The following LGALS8 variants were observed in gnomAD, a reference collection of about 807,000 sequenced individuals.
LGALS8 encodes galectin 8, also known as galectin-8.
LGALS8 carries 30 observed loss-of-function variants against 35.9 expected under a neutral mutation model. The observed-to-expected ratio is 0.83, with a 90% CI of 0.62 to 1.13. The LOEUF is 1.13. Ranked by LOEUF, LGALS8 falls within the 50% of genes most tolerant of loss-of-function variation. The pLI is 0.00. For missense variants in LGALS8, 366 were observed against 388.7 expected (o/e 0.94, Z 0.49); for synonymous variants, 138 against 136.1 (o/e 1.01, Z -0.10).
At chr1:236,543,917 A>G (rs1662193137) in intron 8 of LGALS8, among the ~76,000 whole-genome samples, 1 of 151,100 alleles carries the variant, frequency 6.6e-6, no homozygotes, top group Non-Finnish European at 1.5e-5. Flanking sequence ...GTAGAACTCC[A>G]GAGCAGCCCC....
At position 236,526,315 on chromosome 1, in the gene LGALS8, T is replaced by G; in HGVS notation, c.45+200T>G. On this transcript the variant is annotated intron_variant, in intron 2 of 9. Coordinates refer to ENST00000366584, the MANE Select transcript of LGALS8 (RefSeq NM_201544.4). This position sits in a 1 kb window ranked among gnomAD's most constrained non-coding sequence, Gnocchi z 4.6. ...GGAGGAAGAAGTCACAATGATAATA[T>G]GACGTGATGAAACAGTGTTATGAAC... 2.3e-6 allele frequency: 1 copy of G among 440,574 alleles called. No individual in the cohort carries two copies. The highest frequency in any genetic ancestry group is 4.1e-6 in the Non-Finnish European group (1 of 246,242). The allele number at this position is 440,574 out of a possible 1,614,324, so 27.3% of individuals were successfully genotyped here. A position where few individuals can be genotyped will look rare whatever the true frequency, so the allele number is the denominator to read the frequency against.
At chr1:236,530,094 G>A (rs1185058818) in intron 2 of LGALS8, among the ~76,000 whole-genome samples, 2 of 152,188 alleles carry the variant, frequency 1.3e-5, no homozygotes, top group Non-Finnish European at 2.9e-5. Context: ...TGTTTATAGA[G>A]TTCTTAAGAT....
At position 236,550,959 on chromosome 1, in the gene LGALS8, T is replaced by C. The variant is rs1662704604; in HGVS notation, c.*2798T>C. The C allele has an allele frequency of 8.1e-6, 13 of 1,599,796 alleles. No homozygotes were observed. The highest frequency in any genetic ancestry group is 9.4e-6 in the Non-Finnish European group (11 of 1,170,966). ...CAGTTTCCAGTTGCTGAATAGTCTT[T>C]TGGCACTGATGTTCTACTTCTTCAC... On this transcript the variant is annotated 3_prime_UTR_variant, in exon 10 of 10. Coordinates refer to ENST00000366584, the MANE Select transcript of LGALS8 (RefSeq NM_201544.4).
chr1:236,544,475 G>A lies in LGALS8; in HGVS notation c.639-275G>A, dbSNP rs551492910. On this transcript the variant is annotated intron_variant, in intron 8 of 9. Transcript: ENST00000366584. Reference sequence around the variant, plus strand: ...GCCTGAAGTAGTCATTCAGTTTAGCGTTAAACCTTCCATTTCTGTCCAACC... The same window carrying A: ...GCCTGAAGTAGTCATTCAGTTTAGCATTAAACCTTCCATTTCTGTCCAACC... 2.0e-5 allele frequency among the ~76,000 whole-genome samples: 3 copies of A among 152,196 alleles called. No individual in the cohort carries two copies. The East Asian group carries it at 5.8e-4, about 29-fold the overall frequency.
upstream of LGALS8, chr1:236,518,222 A>T (rs1250837582): frequency 1.3e-5 from 2 of 152,172 alleles, no homozygotes; most frequent in Non-Finnish European, 2.9e-5. Flanking sequence ...CCATAGTTCT[A>T]GAAGCTTGTT....
intron 9 of LGALS8, 196 bp downstream of exon 9, chr1:236,545,111 A>G (rs891993553): frequency 1.1e-5 from 5 of 437,426 alleles, no homozygotes; most frequent in African/African-American, 7.9e-5. Flanking sequence ...AGAGTGTCAA[A>G]TTATGCACAT....
At chr1:236,535,934 C>G (rs192332834) in intron 2 of LGALS8, among the ~76,000 whole-genome samples, 2 of 152,348 alleles carry the variant, frequency 1.3e-5, no homozygotes, top group Admixed American at 1.3e-4. Context: ...ATTCATTCAC[C>G]ATGCAGTTAC....
chr1:236,543,509 T>G, intron 7 of LGALS8, 51 bp from the exon 8 acceptor site: 27 of 1,312,408 alleles, frequency 2.1e-5, no homozygotes, highest in Non-Finnish European at 3.0e-5. Flanking sequence ...GAGTTTTCCC[T>G]GGAGATCGCT....
intron 7 of LGALS8, chr1:236,543,005 T>C (rs1019125452): frequency 1.2e-6 from 2 of 1,614,104 alleles, no homozygotes; most frequent in African/African-American, 1.3e-5. Context: ...CACTTTGACT[T>C]GCACCAAAAT....
At chr1:236,521,259 GGA>G (rs1660541218), upstream of LGALS8, among the ~76,000 whole-genome samples, 1 of 152,156 alleles carries the variant, frequency 6.6e-6, no homozygotes, top group African/African-American at 2.4e-5. Context: ...GTGTGTTTTG[GGA>G]GAGTGTTTGC....
upstream of LGALS8, among the ~76,000 whole-genome samples, chr1:236,520,567 C>T (rs1253656725): frequency 6.6e-6 from 1 of 152,176 alleles, no homozygotes; most frequent in East Asian, 1.9e-4. Context: ...GCAATGACAT[C>T]CATGTTCCTA....
chr1:236,519,494 TC>T (rs1005524845), upstream of LGALS8, among the ~76,000 whole-genome samples: 1 of 152,164 alleles, frequency 6.6e-6, no homozygotes, highest in African/African-American at 2.4e-5. Flanking sequence ...AAGAAATTGA[TC>T]CTACCAGAAG....
intron 6 of LGALS8, 171 bp from the exon 7 acceptor site, chr1:236,542,590 C>G (rs1038395850): frequency 1.5e-6 from 1 of 677,658 alleles, no homozygotes; most frequent in African/African-American, 1.8e-5. Context: ...TAGCCCTTCA[C>G]AACACCATAC....
At chr1:236,543,330 C>T (rs1662138481) in intron 7 of LGALS8, 4 of 670,026 alleles carry the variant, frequency 6.0e-6, no homozygotes, top group South Asian at 4.9e-5. Flanking sequence ...GGCATCGGGT[C>T]CCACCCTGTC....
chr1:236,541,846 C>T (rs1662017917), intron 6 of LGALS8, 136 bp downstream of exon 6: 1 of 558,586 alleles, frequency 1.8e-6, no homozygotes, highest in Non-Finnish European at 3.2e-6. Context: ...AATTGAGATA[C>T]ATACTTGTGG....
intron 4 of LGALS8, 32 bp from the exon 5 acceptor site, chr1:236,540,532 C>CG (rs3216037): frequency 0.018 from 26,288 of 1,488,326 alleles, 798 homozygotes; most frequent in East Asian, 0.14. Context: ...TTTTTGGTGG[C>CG]GGGGGGGGCT....
At position 236,552,606 on chromosome 1, in the gene LGALS8, TTC is replaced by T. The variant is rs1662803391; in HGVS notation, c.*4447_*4448del. 1 of 152,266 alleles carries T rather than the reference TTC, an allele frequency of 6.6e-6. No individual in the cohort carries two copies. The highest frequency in any genetic ancestry group is 1.5e-5 in the Non-Finnish European group (1 of 68,066). The allele number at this position is 152,266 out of a possible 1,614,324, so 9.4% of individuals were successfully genotyped here. On this transcript the variant is annotated 3_prime_UTR_variant, in exon 10 of 10. Transcript: ENST00000366584. Reference sequence around the variant, plus strand: ...CCATCTCAGCACTGAATAAAAAACATTCTGTGTCACAATATCCTAGTTTTGGG... The same window carrying T: ...CCATCTCAGCACTGAATAAAAAACATTGTGTCACAATATCCTAGTTTTGGG...
At chr1:236,518,926 A>G (rs561460949), upstream of LGALS8, among the ~76,000 whole-genome samples, 1 of 152,224 alleles carries the variant, frequency 6.6e-6, no homozygotes, top group Non-Finnish European at 1.5e-5. Context: ...AGTATTCCTT[A>G]GCTTGAAACA....
chr1:236,550,883 T>C lies in LGALS8; in HGVS notation c.*2722T>C, dbSNP rs754890890. On this transcript the variant is annotated 3_prime_UTR_variant, in exon 10 of 10. Coordinates refer to ENST00000366584, the MANE Select transcript of LGALS8 (RefSeq NM_201544.4). ...ATGAGTGTGAACTCTGAGTAGAGTA[T>C]GAAACACCACAGAAAGTCTTAGAAA... 5 of 1,563,076 alleles carry C rather than the reference T, an allele frequency of 3.2e-6. No homozygotes were observed. Among genetic ancestry groups the C allele is most frequent in the Non-Finnish European group, 4.3e-6 (5 of 1,154,666 alleles).
Sources: gnomAD v4.1 joint callset for allele counts (sites outside exome capture counted in the v4.1 genomes callset) on GRCh38, gnomAD v4.1.1 for gene constraint, Gnocchi (gnomAD v3.1) non-coding constraint, MANE v1.5 for transcripts, NCBI Gene and HGNC (gene_info 2026-07-23, HGNC 2026-07-21) for gene names.